The following CTNNA3 variants were observed in gnomAD, a reference collection of about 807,000 sequenced individuals.
The protein encoded by CTNNA3 is catenin alpha 3.
A neutral mutation model predicts 95.7 loss-of-function variants in CTNNA3; 76 were observed. That is an observed-to-expected ratio of 0.79 (90% CI 0.66 to 0.96). The LOEUF is 0.96. Among genes scored for constraint, CTNNA3 ranks in the 40% least tolerant of loss-of-function variants. CTNNA3 has a pLI of 0.00. For synonymous variants in CTNNA3, 431 were observed against 374.4 expected (o/e 1.15, Z -1.74); for missense variants, 1,191 against 1,089.8 (o/e 1.09, Z -1.31).
intron 8 of CTNNA3, among the ~76,000 whole-genome samples, chr10:66,768,181 T>C (rs553425096): frequency 1.3e-5 from 2 of 152,326 alleles, no homozygotes; most frequent in African/African-American, 2.4e-5. Flanking sequence ...TTAATGATTA[T>C]CCTCCCCTTT....
chr10:66,469,260 G>A (rs372217263), intron 11 of CTNNA3, among the ~76,000 whole-genome samples: 1 of 151,834 alleles, frequency 6.6e-6, no homozygotes, highest in African/African-American at 2.4e-5. Context: ...AAGCTGTCAA[G>A]GAATTTTCAA....
At chr10:67,579,709 G>A (rs1317802052) in intron 3 of CTNNA3, among the ~76,000 whole-genome samples, 2 of 152,118 alleles carry the variant, frequency 1.3e-5, no homozygotes, top group Non-Finnish European at 2.9e-5. Flanking sequence ...ATCCTCTCCA[G>A]CACCTGTTGT....
intron 7 of CTNNA3, among the ~76,000 whole-genome samples, chr10:67,030,225 C>T (rs2133106507): frequency 6.6e-6 from 1 of 152,324 alleles, no homozygotes; most frequent in Middle Eastern, 3.4e-3. Flanking sequence ...AGCAGCTTCA[C>T]TTTAAAGCAT....
At chr10:67,435,887 G>A (rs1432268558) in intron 5 of CTNNA3, among the ~76,000 whole-genome samples, 1 of 152,074 alleles carries the variant, frequency 6.6e-6, no homozygotes, top group Non-Finnish European at 1.5e-5. Context: ...CTGTGAAAAT[G>A]ACCATACTGC....
intron 5 of CTNNA3, among the ~76,000 whole-genome samples, chr10:67,330,958 G>A (rs1198557727): frequency 1.3e-5 from 2 of 152,128 alleles, no homozygotes; most frequent in Non-Finnish European, 2.9e-5. Context: ...ATTCATACTT[G>A]CTGAAACCAC....
chr10:66,193,209 C>T (rs2086775037), intron 13 of CTNNA3, among the ~76,000 whole-genome samples: 1 of 152,106 alleles, frequency 6.6e-6, no homozygotes, highest in African/African-American at 2.4e-5. Context: ...AATAATCACA[C>T]AAACCAAGTA....
chr10:67,513,639 G>T (rs1839712345), intron 5 of CTNNA3, among the ~76,000 whole-genome samples: 1 of 152,120 alleles, frequency 6.6e-6, no homozygotes, highest in Admixed American at 6.5e-5. Context: ...AGAGAATGGG[G>T]CTCACTTCCA....
At chr10:67,085,491 C>T (rs1043796862) in intron 7 of CTNNA3, among the ~76,000 whole-genome samples, 9 of 151,960 alleles carry the variant, frequency 5.9e-5, no homozygotes, top group East Asian at 1.9e-4. Flanking sequence ...AATCAGTCAA[C>T]GTTAGTCACC....
At chr10:67,761,285 T>C (rs951082856) in intron 1 of CTNNA3, among the ~76,000 whole-genome samples, 3 of 152,208 alleles carry the variant, frequency 2.0e-5, no homozygotes, top group Non-Finnish European at 1.5e-5. Flanking sequence ...GGGCAAGCTA[T>C]TCATGGGCCA....
chr10:66,320,979 A>C (rs537169913), intron 12 of CTNNA3, among the ~76,000 whole-genome samples: 3 of 152,108 alleles, frequency 2.0e-5, no homozygotes, highest in African/African-American at 4.8e-5. Flanking sequence ...CAAACATGCA[A>C]TTAAATAACT....
chr10:67,364,422 T>C (rs1363710443), intron 5 of CTNNA3, among the ~76,000 whole-genome samples: 48 of 152,166 alleles, frequency 3.2e-4, no homozygotes, highest in Admixed American at 3.1e-3. Context: ...AAGACAAGGA[T>C]GCCCTCTCTC....
In CTNNA3 at chr10:65,920,491, G is replaced by T. The variant is rs1298153245; in HGVS notation, c.2527C>A (p.His843Asn). The T allele has an allele frequency of 1.2e-6, 2 of 1,614,012 alleles. No individual in the cohort carries two copies. The highest frequency in any genetic ancestry group is 1.3e-5 in the African/African-American group (1 of 74,910). The change falls in exon 18 of 18, where the codon CAC becomes AAC. Residue 843 changes from histidine (H) to asparagine (N), a missense_variant. Physicochemically the swap from His to Asn is moderately conservative, Grantham distance 68. Coordinates refer to ENST00000433211, the MANE Select transcript of CTNNA3 (RefSeq NM_013266.4). ...IRIQSPAGPR[H>N]PVVMWRMKAP... ...TTCATTCTCCACATCACAACTGGGT[G>T]CCGGGGCCCAGCAGGACTCTGGATT...
chr10:67,561,615 G>A (rs900383118), intron 3 of CTNNA3, among the ~76,000 whole-genome samples: 1 of 147,396 alleles, frequency 6.8e-6, no homozygotes, highest in African/African-American at 2.5e-5. Flanking sequence ...AACGCTAGCA[G>A]AAAGCAAGAA....
intron 6 of CTNNA3, among the ~76,000 whole-genome samples, chr10:67,188,185 C>G (rs1212585191): frequency 6.6e-6 from 1 of 152,174 alleles, no homozygotes; most frequent in African/African-American, 2.4e-5. Context: ...CAATTAAATG[C>G]AGAATCAAAA....
At chr10:66,259,841 T>C (rs776691072) in intron 13 of CTNNA3, among the ~76,000 whole-genome samples, 5 of 152,198 alleles carry the variant, frequency 3.3e-5, no homozygotes, top group Non-Finnish European at 7.4e-5. Context: ...AGTCTATTTC[T>C]AACCCATGTT....
chr10:66,668,773 C>T (rs1846552871), intron 9 of CTNNA3, among the ~76,000 whole-genome samples: 1 of 152,004 alleles, frequency 6.6e-6, no homozygotes, highest in African/African-American at 2.4e-5. Context: ...GATGGCACCA[C>T]TGCACTCCAG....
chr10:67,624,528 G>C (rs148106664), intron 2 of CTNNA3, among the ~76,000 whole-genome samples: 105 of 152,250 alleles, frequency 6.9e-4, no homozygotes, highest in African/African-American at 2.5e-3. Context: ...CTATTCCCCT[G>C]TGTTATGCAC....
chr10:66,544,651 C>T (rs751815585), intron 10 of CTNNA3, among the ~76,000 whole-genome samples: 2 of 152,158 alleles, frequency 1.3e-5, no homozygotes, highest in Middle Eastern at 3.4e-3. Flanking sequence ...AAATAAGTTA[C>T]CACCTCAGGA....
intron 5 of CTNNA3, among the ~76,000 whole-genome samples, chr10:67,497,040 G>C (rs138602758): frequency 0.056 from 8,515 of 152,026 alleles, 642 homozygotes; most frequent in East Asian, 0.34. Flanking sequence ...CCTTCAACCC[G>C]TCATCTACAT....
Sources: gnomAD v4.1 joint callset for allele counts (sites outside exome capture counted in the v4.1 genomes callset) on GRCh38, gnomAD v4.1.1 for gene constraint, MANE v1.5 for transcripts, NCBI Gene and HGNC (gene_info 2026-07-23, HGNC 2026-07-21) for gene names.